The following IL1RAPL2 variants were observed in gnomAD, a reference collection of about 807,000 sequenced individuals.
The protein encoded by IL1RAPL2 is X-linked interleukin-1 receptor accessory protein-like 2.
IL1RAPL2 carries 3 observed loss-of-function variants against 44.1 expected under a neutral mutation model. That is an observed-to-expected ratio of 0.07 (90% confidence interval 0.03 to 0.18). IL1RAPL2 has a LOEUF of 0.18. Ranked by LOEUF, IL1RAPL2 falls within the 10% of genes least tolerant of loss-of-function variation. The pLI is 1.00. For missense variants in IL1RAPL2, 391 were observed against 496.4 expected (o/e 0.79, Z 2.02); for synonymous variants, 181 against 178.8 (o/e 1.01, Z -0.10).
At chrX:104,667,853 A>G (rs1930514192) in intron 2 of IL1RAPL2, among the ~76,000 whole-genome samples, 1 of 111,577 alleles carries the variant, frequency 9.0e-6, no homozygotes, top group South Asian at 3.8e-4. Flanking sequence ...GCATAATATA[A>G]TAAGAGTCAT....
chrX:104,855,935 G>T (rs1356411917), intron 2 of IL1RAPL2, among the ~76,000 whole-genome samples: 1 of 109,944 alleles, frequency 9.1e-6, no homozygotes, highest in Non-Finnish European at 1.9e-5. Context: ...CTCCCAAAGT[G>T]CTGGGATTAT....
At chrX:104,888,300 G>A (rs1923314118) in intron 2 of IL1RAPL2, among the ~76,000 whole-genome samples, 1 of 106,843 alleles carries the variant, frequency 9.4e-6, no homozygotes, top group Non-Finnish European at 1.9e-5. Context: ...GAGGAGAAGA[G>A]ACAGAGACAA....
intron 2 of IL1RAPL2, among the ~76,000 whole-genome samples, chrX:104,821,336 G>C (rs1921297280): frequency 9.0e-6 from 1 of 110,532 alleles, no homozygotes; most frequent in African/African-American, 3.3e-5. Flanking sequence ...ATGGTGGTTT[G>C]CTGAACCCAT....
chrX:105,543,001 C>T (rs923715142), intron 6 of IL1RAPL2, among the ~76,000 whole-genome samples: 7 of 111,343 alleles, frequency 6.3e-5, no homozygotes, highest in Non-Finnish European at 1.3e-4. Flanking sequence ...CTATACTACA[C>T]TACATAACTA....
At position 104,592,145 on chromosome X, in the gene IL1RAPL2, A is replaced by ATGTGTGTGTGTGTG. The variant is rs35940205; in HGVS notation, c.-20+25130_-20+25143dup. 2.1e-3 allele frequency among the ~76,000 whole-genome samples: 126 copies of ATGTGTGTGTGTGTG among 60,210 alleles called. 2 individuals are homozygous for ATGTGTGTGTGTGTG. Among genetic ancestry groups the ATGTGTGTGTGTGTG allele is most frequent in the Non-Finnish European group, 2.8e-3 (92 of 32,559 alleles). The allele number at this position is 60,210 out of a possible 115,157, so 52.3% of individuals were successfully genotyped here. On this transcript the variant is annotated intron_variant, in intron 1 of 10. Transcript: ENST00000372582. ...ATATGATTTTTTTTAATGCCCGTAT[A>ATGTGTGTGTGTGTG]TGTGTGTGTGTGTGTGTGTGTGTGT... is the stretch of plus-strand genomic sequence containing the variant.
chrX:104,853,776 G>A (rs779112863), intron 2 of IL1RAPL2, among the ~76,000 whole-genome samples: 2 of 108,003 alleles, frequency 1.9e-5, no homozygotes, highest in East Asian at 2.9e-4. Context: ...GGTAGCGGGC[G>A]CCTGTAGTCC....
chrX:104,586,766 T>C (rs1290534256), intron 1 of IL1RAPL2, among the ~76,000 whole-genome samples: 2 of 112,295 alleles, frequency 1.8e-5, no homozygotes, highest in Middle Eastern at 4.6e-3. Flanking sequence ...CCCACTTCTT[T>C]TGCTGTGGAA....
At chrX:105,081,913 A>G (rs1441516145) in intron 2 of IL1RAPL2, among the ~76,000 whole-genome samples, 4 of 112,129 alleles carry the variant, frequency 3.6e-5, no homozygotes, top group Non-Finnish European at 5.6e-5. Flanking sequence ...AAAGTTCATC[A>G]GGGATATTGG....
intron 2 of IL1RAPL2, among the ~76,000 whole-genome samples, chrX:104,983,526 CATA>C (rs1341868333): frequency 4.2e-5 from 4 of 94,925 alleles, no homozygotes; most frequent in African/African-American, 1.2e-4. Context: ...ATATTAGATA[CATA>C]ATATTATATA....
intron 3 of IL1RAPL2, chrX:105,220,075 G>A (rs782724760): frequency 5.0e-6 from 6 of 1,211,482 alleles, no homozygotes; most frequent in Non-Finnish European, 6.7e-6. Flanking sequence ...CAGGTCTGAT[G>A]CCAAGGCCTG....
chrX:105,200,930 C>T lies in IL1RAPL2; in HGVS notation c.356+5182C>T, dbSNP rs140892292. Among the ~76,000 whole-genome samples the T allele has an allele frequency of 4.7e-3, 522 of 111,457 alleles. 6 individuals are homozygous for T. Among genetic ancestry groups the T allele is most frequent in the African/African-American group, 0.016 (480 of 30,639 alleles). ...CGTTTCACACCCACACACACACACA[C>T]ACACACACAAAATTAAATATAATTG... On this transcript the variant is annotated intron_variant, in intron 3 of 10. Transcript: ENST00000372582.
At chrX:104,670,900 T>G (rs978475605) in intron 2 of IL1RAPL2, among the ~76,000 whole-genome samples, 10 of 111,586 alleles carry the variant, frequency 9.0e-5, no homozygotes, top group African/African-American at 3.3e-4. Flanking sequence ...ATTTATTCCA[T>G]TGTCTAATGA....
At chrX:105,078,851 C>G (rs1165844317) in intron 2 of IL1RAPL2, among the ~76,000 whole-genome samples, 1 of 112,731 alleles carries the variant, frequency 8.9e-6, no homozygotes, top group Non-Finnish European at 1.9e-5. Context: ...ATATAATCTC[C>G]TGGTGTGCCG....
chrX:104,926,753 A>G (rs1175689581), intron 2 of IL1RAPL2, among the ~76,000 whole-genome samples: 1 of 111,797 alleles, frequency 8.9e-6, no homozygotes, highest in African/African-American at 3.2e-5. Flanking sequence ...GGATTGACAC[A>G]CTGTTCTCTC....
intron 2 of IL1RAPL2, among the ~76,000 whole-genome samples, chrX:104,985,020 A>G (rs2030533784): frequency 8.9e-6 from 1 of 111,829 alleles, no homozygotes; most frequent in Admixed American, 9.5e-5. Context: ...GGATTAAATG[A>G]CCTTCCAGCT....
chrX:104,633,270 G>A (rs868186445), intron 1 of IL1RAPL2, among the ~76,000 whole-genome samples: 3 of 111,436 alleles, frequency 2.7e-5, no homozygotes, highest in Admixed American at 9.6e-5. Flanking sequence ...TTTTTGCATC[G>A]ATGTTCATCA....
At chrX:104,611,119 T>C (rs1449765930) in intron 1 of IL1RAPL2, among the ~76,000 whole-genome samples, 2 of 111,662 alleles carry the variant, frequency 1.8e-5, no homozygotes, top group Non-Finnish European at 3.8e-5. Flanking sequence ...TATCTCTAAG[T>C]CAGGGTATAC....
chrX:105,408,253 T>A (rs1424914977), intron 5 of IL1RAPL2, among the ~76,000 whole-genome samples: 3 of 112,124 alleles, frequency 2.7e-5, no homozygotes, highest in Non-Finnish European at 5.6e-5. Flanking sequence ...TGTGTTTTTT[T>A]AAACAAATTT....
intron 5 of IL1RAPL2, among the ~76,000 whole-genome samples, chrX:105,294,679 C>T (rs771079730): frequency 1.5e-3 from 169 of 112,053 alleles, no homozygotes; most frequent in Non-Finnish European, 2.4e-3. Flanking sequence ...TTACTAAGTG[C>T]GTACTATGTA....
Sources: gnomAD v4.1 joint callset for allele counts (sites outside exome capture counted in the v4.1 genomes callset) on GRCh38, gnomAD v4.1.1 for gene constraint, MANE v1.5 for transcripts, NCBI Gene and HGNC (gene_info 2026-07-23, HGNC 2026-07-21) for gene names.